The following FAM110B variants were observed in gnomAD, a reference collection of about 807,000 sequenced individuals.
FAM110B encodes family with sequence similarity 110 member B, also known as protein FAM110B.
FAM110B carries 6 observed loss-of-function variants against 20.4 expected under a neutral mutation model. That is an observed-to-expected ratio of 0.29 (90% confidence interval 0.16 to 0.58). The LOEUF is 0.58. FAM110B is among the 20% of genes least tolerant of loss of function. The pLI, the probability that FAM110B is intolerant of heterozygous loss-of-function variation, is 0.90. For synonymous variants in FAM110B, 226 were observed against 214.1 expected, an observed-to-expected ratio of 1.06 and a Z score of -0.49; for missense variants, 434 against 498.2, an observed-to-expected ratio of 0.87 and a Z score of 1.23.
rs748875659 is a variant in FAM110B, at chr8:58,118,013, GAA to G, written c.-324-27892_-324-27891del. On this transcript the variant is annotated intron_variant, in intron 3 of 3. Coordinates refer to ENST00000519262, the MANE Select transcript of FAM110B (RefSeq NM_001377989.1). ...TCAAATCAGCTTCCAGAAAATATCG[GAA>G]AGATTCTAGAGTAACATCTTTGGAT... Among the ~76,000 whole-genome samples, 21 of 152,230 alleles carry G rather than the reference GAA, an allele frequency of 1.4e-4. No individual in the cohort carries two copies. In the East Asian group the frequency reaches 2.5e-3, roughly 18 times the overall value.
chr8:58,096,061 C>G (rs79765740), intron 3 of FAM110B, among the ~76,000 whole-genome samples: 1 of 152,140 alleles, frequency 6.6e-6, no homozygotes, highest in African/African-American at 2.4e-5. Flanking sequence ...AGGATTGCAA[C>G]CCCTGCTTTT....
chr8:58,144,464 A>C (rs1803813251), intron 3 of FAM110B, among the ~76,000 whole-genome samples: 1 of 152,206 alleles, frequency 6.6e-6, no homozygotes, highest in Non-Finnish European at 1.5e-5. Flanking sequence ...GGAAATTGTT[A>C]ATGTAGGTAT....
At chr8:58,067,169 T>C (rs1054914705) in intron 2 of FAM110B, among the ~76,000 whole-genome samples, 1 of 152,246 alleles carries the variant, frequency 6.6e-6, no homozygotes, top group African/African-American at 2.4e-5. Context: ...GTGAAAATTC[T>C]GGAAACACAG....
intron 2 of FAM110B, among the ~76,000 whole-genome samples, chr8:58,070,540 G>A (rs761592713): frequency 2.0e-5 from 3 of 152,192 alleles, no homozygotes; most frequent in Non-Finnish European, 2.9e-5. Context: ...AGGCTTGCCT[G>A]GTAAACAGCT....
At chr8:58,142,032 C>T (rs1049081137) in intron 3 of FAM110B, among the ~76,000 whole-genome samples, 26 of 152,206 alleles carry the variant, frequency 1.7e-4, no homozygotes, top group Admixed American at 1.2e-3. Context: ...TCCTGTTCAC[C>T]TGACTGCACC....
At chr8:58,116,719 A>T (rs1218304073) in intron 3 of FAM110B, among the ~76,000 whole-genome samples, 1 of 152,162 alleles carries the variant, frequency 6.6e-6, no homozygotes, top group Non-Finnish European at 1.5e-5. Context: ...TGAAACTTGA[A>T]TGTGTCATGA....
intron 3 of FAM110B, among the ~76,000 whole-genome samples, chr8:58,144,699 C>T (rs1261801103): frequency 6.6e-6 from 1 of 152,192 alleles, no homozygotes; most frequent in Non-Finnish European, 1.5e-5. Context: ...AGGTTACTCT[C>T]TTAGCATTCC....
chr8:58,127,461 C>G (rs1807536643), intron 3 of FAM110B, among the ~76,000 whole-genome samples: 1 of 151,778 alleles, frequency 6.6e-6, no homozygotes, highest in Non-Finnish European at 1.5e-5. Context: ...TTGACCTTCT[C>G]CCTCATTTTC....
At chr8:58,077,801 A>G (rs73682118) in intron 3 of FAM110B, among the ~76,000 whole-genome samples, 4,296 of 152,274 alleles carry the variant, frequency 0.028, 215 homozygotes, top group African/African-American at 0.097. Context: ...ATTTACCTAG[A>G]TCAGGAAAGT....
intron 3 of FAM110B, among the ~76,000 whole-genome samples, chr8:58,090,070 C>G (rs1359716417): frequency 1.3e-5 from 2 of 152,248 alleles, no homozygotes; most frequent in Non-Finnish European, 2.9e-5. Context: ...TCCTCCTCTT[C>G]CTCAGCCTAC....
intron 1 of FAM110B, among the ~76,000 whole-genome samples, chr8:58,028,133 T>C (rs1257202834): frequency 1.3e-5 from 2 of 152,254 alleles, no homozygotes; most frequent in East Asian, 3.8e-4. Flanking sequence ...GATGGAGTTT[T>C]GCTCTTGTTG....
At chr8:58,004,330 A>G (rs781680502) in intron 1 of FAM110B, among the ~76,000 whole-genome samples, 5 of 152,204 alleles carry the variant, frequency 3.3e-5, no homozygotes, top group Non-Finnish European at 5.9e-5. Flanking sequence ...CCTGTTGTCT[A>G]GTTGTAGCCA....
At chr8:58,001,048 C>T (rs1033087141) in intron 1 of FAM110B, among the ~76,000 whole-genome samples, 6 of 152,122 alleles carry the variant, frequency 3.9e-5, no homozygotes, top group Admixed American at 6.6e-5. Flanking sequence ...AACATGCACC[C>T]GGGTGTGTAA....
At chr8:58,068,507 G>C (rs1210197650) in intron 2 of FAM110B, among the ~76,000 whole-genome samples, 1 of 151,670 alleles carries the variant, frequency 6.6e-6, no homozygotes, top group Non-Finnish European at 1.5e-5. Context: ...CAATAGTCCT[G>C]TTTCTTGGCT....
chr8:58,146,586 A>G lies in FAM110B; in HGVS notation c.356A>G (p.Glu119Gly), dbSNP rs753614030. The change falls in exon 4 of 4, where the codon GAG (glutamate) becomes GGG (glycine). Residue 119 changes from glutamate (E) to glycine (G), a missense_variant. Physicochemically the swap from Glu to Gly is moderately conservative, Grantham distance 98. Transcript: ENST00000519262. ...SGVQRENLKLEILKNIINSSE... is the reference protein window; with the variant it reads ...SGVQRENLKLGILKNIINSSE... ...GTGCAGAGGGAGAACCTGAAGCTGG[A>G]GATCCTGAAGAACATCATCAATAGC... 1 of 1,614,034 alleles carries G rather than the reference A, an allele frequency of 6.2e-7. No homozygotes were observed. Among genetic ancestry groups the G allele is most frequent in the East Asian group, 2.2e-5 (1 of 44,858 alleles).
chr8:58,036,389 C>T (rs1300438208), intron 2 of FAM110B, among the ~76,000 whole-genome samples: 1 of 152,192 alleles, frequency 6.6e-6, no homozygotes, highest in Non-Finnish European at 1.5e-5. Context: ...CTTGATAATA[C>T]CATTCCTCAT....
chr8:58,005,184 G>T (rs1455758497), intron 1 of FAM110B, among the ~76,000 whole-genome samples: 1 of 152,106 alleles, frequency 6.6e-6, no homozygotes, highest in Non-Finnish European at 1.5e-5. Context: ...TTATTAATTG[G>T]CCTCATGTCA....
intron 2 of FAM110B, among the ~76,000 whole-genome samples, chr8:58,049,793 G>T (rs896466245): frequency 8.5e-5 from 13 of 152,110 alleles, no homozygotes; most frequent in Admixed American, 3.3e-4. Flanking sequence ...GTAAGTTAAT[G>T]CTCACTCTTA....
At chr8:58,080,398 G>A (rs1341961372) in intron 3 of FAM110B, among the ~76,000 whole-genome samples, 1 of 152,212 alleles carries the variant, frequency 6.6e-6, no homozygotes, top group Non-Finnish European at 1.5e-5. Flanking sequence ...TACAAAGAGG[G>A]AAAGAGACTG....
Sources: gnomAD v4.1 joint callset for allele counts (sites outside exome capture counted in the v4.1 genomes callset) on GRCh38, gnomAD v4.1.1 for gene constraint, MANE v1.5 for transcripts, NCBI Gene and HGNC (gene_info 2026-07-23, HGNC 2026-07-21) for gene names.